FARP2: variants seen among roughly 807,000 people sequenced by gnomAD.
FARP2 encodes FERM, ARHGEF and pleckstrin domain-containing protein 2.
Under a neutral mutation model 130.5 loss-of-function variants are expected in FARP2, and 111 were observed. The ratio of observed to expected loss-of-function variants is 0.85; its 90% CI spans 0.73 to 1.00. The LOEUF is 1.00. Ranked by LOEUF, FARP2 falls within the 50% of genes least tolerant of loss-of-function variation. FARP2 has a pLI of 0.00. For synonymous variants in FARP2, 504 were observed against 516.9 expected (o/e 0.98, Z 0.34); for missense variants, 1,385 against 1,346.3 (o/e 1.03, Z -0.45).
intron 4 of FARP2, among the ~76,000 whole-genome samples, chr2:241,406,384 T>C (rs574130064): frequency 1.5e-4 from 22 of 150,832 alleles, no homozygotes; most frequent in Non-Finnish European, 1.8e-4. Context: ...TATATATATG[T>C]ATGTGTGGGT....
intron 1 of FARP2, among the ~76,000 whole-genome samples, chr2:241,368,605 A>G (rs2061363451): frequency 6.6e-6 from 1 of 152,054 alleles, no homozygotes; most frequent in South Asian, 2.1e-4. Flanking sequence ...CAGTCACAAC[A>G]ATGGGGTTAC....
intron 11 of FARP2, among the ~76,000 whole-genome samples, chr2:241,435,896 A>G (rs1041908060): frequency 1.4e-5 from 2 of 148,102 alleles, no homozygotes; most frequent in African/African-American, 4.9e-5. Context: ...ATATTTTTAC[A>G]TAGTATAGTA....
intron 3 of FARP2, among the ~76,000 whole-genome samples, chr2:241,404,585 A>G (rs1011606471): frequency 1.3e-5 from 2 of 152,180 alleles, no homozygotes; most frequent in African/African-American, 4.8e-5. Context: ...TCATATAGCA[A>G]TTTTAACGTC....
At chr2:241,486,591 G>A (rs1033955295) in intron 21 of FARP2, among the ~76,000 whole-genome samples, 1 of 150,472 alleles carries the variant, frequency 6.6e-6, no homozygotes, top group Non-Finnish European at 1.5e-5. Context: ...GGGCTGTTTT[G>A]TCAGGACACT....
intron 12 of FARP2, among the ~76,000 whole-genome samples, chr2:241,437,648 A>ATTTATTTATT (rs1553723636): frequency 7.2e-6 from 1 of 139,528 alleles, no homozygotes; most frequent in South Asian, 2.3e-4. Flanking sequence ...ACATATATAT[A>ATTTATTTATT]TATTTATTTA....
chr2:241,466,698 C>G lies in FARP2; in HGVS notation c.1894-1442C>G, dbSNP rs13425582. On this transcript the variant is annotated intron_variant, in intron 17 of 26. Transcript: ENST00000264042. ...CACTCCCCTTCCAACCACCCCCCCC[C>G]CCACCACCACCACCCGTACCCTCCT... 5,076 of 629,800 alleles carry G rather than the reference C, an allele frequency of 8.1e-3. 345 individuals carry two copies. The African/African-American group carries it at 0.095, about 12-fold the overall frequency. 39.0% of individuals were successfully genotyped at this position (629,800 alleles called of 1,614,324 possible). A position where few individuals can be genotyped will look rare whatever the true frequency, so the allele number is the denominator to read the frequency against.
chr2:241,401,412 ACAG>A (rs1422772087), intron 2 of FARP2, among the ~76,000 whole-genome samples: 1 of 152,266 alleles, frequency 6.6e-6, no homozygotes, highest in African/African-American at 2.4e-5. Context: ...GATTTAGTGA[ACAG>A]CTTTCCAAAC....
Position 241,460,875 on chromosome 2 carries a change from C to G in FARP2, c.1588-1648C>G, listed in dbSNP as rs116800070. Among the ~76,000 whole-genome samples the G allele has an allele frequency of 5.3e-3, 811 of 152,082 alleles. 13 individuals carry two copies. The highest frequency in any genetic ancestry group is 0.018 in the African/African-American group (758 of 41,492). Reference sequence around the variant, plus strand: ...GCAGTGGACGTGTGCAGGACTCTGGCGGGGGAGGCACAGCACCTGGGCACT... The same window carrying G: ...GCAGTGGACGTGTGCAGGACTCTGGGGGGGGAGGCACAGCACCTGGGCACT... On this transcript the variant is annotated intron_variant, in intron 14 of 26. Transcript: ENST00000264042.
chr2:241,422,382 G>A (rs1375893425), intron 8 of FARP2, among the ~76,000 whole-genome samples: 3 of 150,608 alleles, frequency 2.0e-5, no homozygotes, highest in Non-Finnish European at 2.9e-5. Flanking sequence ...CACCCTGGGT[G>A]ACAAAGTGAG....
At chr2:241,472,364 T>G (rs970286419) in intron 18 of FARP2, among the ~76,000 whole-genome samples, 1 of 150,210 alleles carries the variant, frequency 6.7e-6, no homozygotes, top group Non-Finnish European at 1.5e-5. Flanking sequence ...GATTCTGTTA[T>G]GTGGGGGATG....
chr2:241,372,370 T>C (rs932841314), intron 1 of FARP2, among the ~76,000 whole-genome samples: 86 of 152,106 alleles, frequency 5.7e-4, no homozygotes, highest in Non-Finnish European at 1.0e-4. Context: ...TGTCATTCAG[T>C]TCCATATGTG....
chr2:241,438,523 C>T (rs113362021), intron 12 of FARP2, among the ~76,000 whole-genome samples: 63 of 152,220 alleles, frequency 4.1e-4, no homozygotes, highest in African/African-American at 1.4e-3. Flanking sequence ...TACCACTGCA[C>T]CCCAGACTAG....
At chr2:241,453,029 A>G (rs938837106) in intron 13 of FARP2, among the ~76,000 whole-genome samples, 2 of 151,792 alleles carry the variant, frequency 1.3e-5, no homozygotes, top group African/African-American at 4.8e-5. Context: ...TTTTTGTTAA[A>G]TAGAAATTAT....
chr2:241,463,637 C>A (rs1012579690), intron 16 of FARP2, 169 bp downstream of exon 16: 40 of 763,056 alleles, frequency 5.2e-5, no homozygotes, highest in Non-Finnish European at 7.3e-5. Context: ...CCTTTATTCA[C>A]CCTCTTCCAG....
At chr2:241,476,968 G>A (rs947963359) in intron 19 of FARP2, among the ~76,000 whole-genome samples, 8 of 151,970 alleles carry the variant, frequency 5.3e-5, no homozygotes, top group African/African-American at 1.2e-4. Context: ...TGGGGACCTC[G>A]TTCTGCTCCC....
At chr2:241,439,836 TA>T (rs1292533902) in intron 12 of FARP2, among the ~76,000 whole-genome samples, 5 of 152,054 alleles carry the variant, frequency 3.3e-5, no homozygotes, top group Non-Finnish European at 1.5e-5. Context: ...TAGGCGCGTA[TA>T]ATCCCAGCTA....
At chr2:241,464,162 G>A (rs1439374780) in intron 17 of FARP2, among the ~76,000 whole-genome samples, 182 bp downstream of exon 17, 2 of 151,268 alleles carry the variant, frequency 1.3e-5, no homozygotes, top group African/African-American at 4.9e-5. Flanking sequence ...CTCCAGACCA[G>A]GGTCCCCCTC....
At chr2:241,369,241 G>A (rs928598553) in intron 1 of FARP2, among the ~76,000 whole-genome samples, 6 of 152,074 alleles carry the variant, frequency 3.9e-5, no homozygotes, top group Admixed American at 1.3e-4. Flanking sequence ...TCATGTTCTC[G>A]TGGAAGAGGA....
intron 2 of FARP2, among the ~76,000 whole-genome samples, chr2:241,381,668 G>A (rs987559): frequency 0.89 from 135,596 of 152,282 alleles, 60,732 homozygotes; most frequent in East Asian, 1. Context: ...ATAGAAAGTA[G>A]TCATGAATCT....
Sources: allele counts gnomAD v4.1 joint callset (sites outside exome capture counted in the v4.1 genomes callset), GRCh38; gene constraint gnomAD v4.1.1; transcripts MANE v1.5; gene names NCBI Gene and HGNC (gene_info 2026-07-23, HGNC 2026-07-21).